The following CAD variants were observed in gnomAD, a reference collection of about 807,000 sequenced individuals.
CAD encodes the protein multifunctional protein CAD.
In CAD, 81 loss-of-function variants were observed where a neutral mutation model predicts 237.2. The ratio of observed to expected loss-of-function variants is 0.34; its 90% CI spans 0.29 to 0.41. CAD has a LOEUF of 0.41. Among genes scored for constraint, CAD ranks in the 10% least tolerant of loss-of-function variants. CAD has a pLI of 1.00. For synonymous variants in CAD, 1,196 were observed against 1,162.8 expected (o/e 1.03, Z -0.58); for missense variants, 2,181 against 2,951.7 (o/e 0.74, Z 6.05).
In CAD at chr2:27,225,701, G is replaced by A. The variant is rs200098600; in HGVS notation, c.1621-4G>A. 12 of 1,609,912 alleles carry A rather than the reference G, an allele frequency of 7.5e-6. No homozygotes were observed. The Admixed American group carries it at 2.0e-4, about 27-fold the overall frequency. ...TGTTTGTTCATCTCTTCCACTCATT[G>A]CAGGCCCAGGCAGCCGCTGAACGGC... On this transcript the variant is annotated splice_polypyrimidine_tract_variant and splice_region_variant and intron_variant, in intron 11 of 43. Coordinates refer to ENST00000264705, the MANE Select transcript of CAD (RefSeq NM_004341.5).
chr2:27,221,456 GA>G (rs1675160358), intron 3 of CAD, 109 bp downstream of exon 3: 1 of 1,071,332 alleles, frequency 9.3e-7, no homozygotes, highest in Non-Finnish European at 1.2e-6. Flanking sequence ...GTGATAGTTG[GA>G]AGGTTTAGAT....
chr2:27,242,750 T>A lies in CAD; in HGVS notation c.6353T>A (p.Phe2118Tyr), dbSNP rs1483709925. The A allele has an allele frequency of 6.2e-7, 1 of 1,614,062 alleles. No homozygotes were observed. The highest frequency in any genetic ancestry group is 8.5e-7 in the Non-Finnish European group (1 of 1,180,050). Residue 2118 changes from phenylalanine to tyrosine, a missense_variant, in exon 41 of 44, where the codon TTC (phenylalanine) becomes TAC (tyrosine). Phe to Tyr is a conservative substitution (Grantham distance 22). Around this residue, in one of 12 missense-constraint regions of CAD, gnomAD observed 170 missense variants for 212.1 expected, o/e 0.80. Coordinates refer to ENST00000264705, the MANE Select transcript of CAD (RefSeq NM_004341.5). This position sits in a 1 kb window ranked among gnomAD's most constrained non-coding sequence, Gnocchi z 6.4. Reference protein sequence around the residue: ...SLRMPPTVRAFVASRGTKQEE... With the variant: ...SLRMPPTVRAYVASRGTKQEE... ...CGCATGCCACCCACTGTGCGGGCCTTCGTGGCCTCCCGCGGCACCAAGCAG... is the reference window on the plus strand; with the variant it reads ...CGCATGCCACCCACTGTGCGGGCCTACGTGGCCTCCCGCGGCACCAAGCAG...
rs757572707 is a variant in CAD, at chr2:27,243,200, C to T, written c.6483C>T (p.Cys2161=). 24 of 1,614,006 alleles carry T rather than the reference C, an allele frequency of 1.5e-5. 1 individual carries two copies. The South Asian group carries it at 2.3e-4, about 16-fold the overall frequency. ...TGGGGACCCCATCTGCTTTGCAGTG[C>T]TTTGGTCAGTTCATCCTCACTCCCC... ...RFGSTQEYEA[C]FGQFILTPHI... Residue 2161 remains cysteine, a splice_region_variant and synonymous_variant, in exon 43 of 44, where the codon TGC becomes TGT. Transcript: ENST00000264705.
chr2:27,224,242 G>A (rs911618638), intron 8 of CAD, 103 bp from the exon 9 acceptor site: 3 of 1,260,366 alleles, frequency 2.4e-6, no homozygotes, highest in Admixed American at 2.0e-5. Context: ...CTCCTGAGGT[G>A]CATAATTTGC....
chr2:27,236,231 C>T lies in CAD; in HGVS notation c.4075-53C>T. 6.3e-7 allele frequency: 1 copy of T among 1,597,336 alleles called. No individual in the cohort carries two copies. The highest frequency in any genetic ancestry group is 1.1e-5 in the South Asian group (1 of 88,898). On this transcript the variant is annotated intron_variant, in intron 25 of 43. Transcript: ENST00000264705. This position sits in a 1 kb window ranked among gnomAD's most constrained non-coding sequence, Gnocchi z 4.1. The stretch of plus-strand genomic sequence containing the variant: ...CCAGCTCCTCTCCCTTAAGGCTAGC[C>T]TTCCTGACCGCTGCCAGACAGCTTG...
chr2:27,222,509 T>A lies in CAD; in HGVS notation c.496-10T>A, dbSNP rs1675222342. The A allele has an allele frequency of 3.1e-6, 5 of 1,612,650 alleles. No individual in the cohort carries two copies. The highest frequency in any genetic ancestry group is 3.4e-6 in the Non-Finnish European group (4 of 1,178,802). Reference sequence around the variant, plus strand: ...TGCCAACTGTTGCCCTTTATTCGTCTATTTCTCAGACTCCACGGGTATTCA... The same window carrying A: ...TGCCAACTGTTGCCCTTTATTCGTCAATTTCTCAGACTCCACGGGTATTCA... On this transcript the variant is annotated splice_polypyrimidine_tract_variant and intron_variant, in intron 4 of 43. Transcript: ENST00000264705.
rs1204184385 is a variant in CAD at position 27,221,313 on chromosome 2, G to A, written c.318G>A (p.Glu106=). The A allele has an allele frequency of 6.3e-7, 1 of 1,584,670 alleles. No homozygotes were observed. The highest frequency in any genetic ancestry group is 1.2e-5 in the South Asian group (1 of 85,926). The change falls in exon 3 of 44, where the codon GAG becomes GAA. Residue 106 remains glutamate (E), a synonymous_variant. Transcript: ENST00000264705. ...SHWSATRTLH[E]WLQQHGIPGL... is the part of the protein sequence containing the mutation. ...GGAGTGCCACCCGCACCCTGCATGA[G>A]TGGCTGCAGCAGCATGGCATCCCTG...
rs536592648 is a variant in CAD, at chr2:27,217,727, C to T, written c.82+94C>T. ...CGTCCAGACCCCGCCATTTTCCCGCCAGCGTACCCCCTTCCCCCATTCGGT... is the reference window on the plus strand; with the variant it reads ...CGTCCAGACCCCGCCATTTTCCCGCTAGCGTACCCCCTTCCCCCATTCGGT... On this transcript the variant is annotated intron_variant, in intron 1 of 43. Coordinates refer to ENST00000264705, the MANE Select transcript of CAD (RefSeq NM_004341.5). The T allele has an allele frequency of 4.1e-5, 59 of 1,428,112 alleles. No homozygotes were observed. The East Asian group carries it at 1.2e-3, about 28-fold the overall frequency. The allele number at this position is 1,428,112 out of a possible 1,614,324, so 88.5% of individuals were successfully genotyped here.
intron 30 of CAD, 108 bp downstream of exon 30, chr2:27,238,295 C>T: frequency 6.8e-7 from 1 of 1,476,810 alleles, no homozygotes. Context: ...CTGGAGACAG[C>T]AGGAGGAGGG....
In CAD at chr2:27,241,043, C is replaced by G; in HGVS notation, c.5639-15C>G. On this transcript the variant is annotated splice_polypyrimidine_tract_variant and intron_variant, in intron 36 of 43. Transcript: ENST00000264705. This position sits in a 1 kb window ranked among gnomAD's most constrained non-coding sequence, Gnocchi z 4.6. ...ACCCTCTGACCAGCCTTTTCTGCCC[C>G]ATCCCTCACTGCAGAGCTGATGGGA... 6.2e-7 allele frequency: 1 copy of G among 1,612,950 alleles called. No homozygotes were observed. The highest frequency in any genetic ancestry group is 1.1e-5 in the South Asian group (1 of 90,988).
Position 27,237,687 on chromosome 2 carries a change from AGTGAGCCTTACCTCT to A in CAD, c.4564-27_4564-13del. The A allele has an allele frequency of 6.3e-7, 1 of 1,597,414 alleles. No homozygotes were observed. Among genetic ancestry groups the A allele is most frequent in the Non-Finnish European group, 8.5e-7 (1 of 1,170,014 alleles). On this transcript the variant is annotated splice_polypyrimidine_tract_variant and intron_variant, in intron 28 of 43. Transcript: ENST00000264705. This position sits in a 1 kb window ranked among gnomAD's most constrained non-coding sequence, Gnocchi z 4.0. The stretch of plus-strand genomic sequence containing the variant: ...GCTAGCCTGTGTGGGCATGGGTGCC[AGTGAGCCTTACCTCT>A]GTGTATCCTCTCCAGCTGGCAGAGG...
Position 27,241,951 on chromosome 2 carries a change from G to A in CAD, c.5924G>A (p.Arg1975Gln), listed in dbSNP as rs769299043. 5.6e-6 allele frequency: 9 copies of A among 1,613,604 alleles called. No homozygotes were observed. The highest frequency in any genetic ancestry group is 2.2e-5 in the East Asian group (1 of 44,896). The change falls in exon 39 of 44, where the codon CGG becomes CAG. Residue 1975 changes from arginine to glutamine, a missense_variant. By Grantham distance (43) the Arg-to-Gln change is conservative. Around this residue, in one of 12 missense-constraint regions of CAD, gnomAD observed 203 missense variants for 284.5 expected, o/e 0.71. Transcript: ENST00000264705. This position sits in a 1 kb window ranked among gnomAD's most constrained non-coding sequence, Gnocchi z 4.6. ...TCCATGTTCTATGAAGTGAGCACAC[G>A]GACCAGCAGCTCCTTTGCAGCAGCC... is the stretch of plus-strand genomic sequence containing the variant. ...MASMFYEVST[R>Q]TSSSFAAAMA... is the part of the protein sequence containing the mutation.
rs1349790987 is a variant in CAD, at chr2:27,226,548, C to T, written c.2055C>T (p.Ala685=). 2 of 1,614,050 alleles carry T rather than the reference C, an allele frequency of 1.2e-6. No homozygotes were observed. The highest frequency in any genetic ancestry group is 3.3e-5 in the Admixed American group (2 of 59,998). The change falls in exon 14 of 44, where the codon GCC becomes GCT. Residue 685 remains alanine, a synonymous_variant. Transcript: ENST00000264705. The stretch of plus-strand genomic sequence containing the variant: ...AGTATTACATCATTGAAGTGAATGC[C>T]AGGCTCTCTCGCAGCTCTGCCCTGG... ...SEQYYIIEVN[A]RLSRSSALAS...
Position 27,236,967 on chromosome 2 carries a change from C to T in CAD, c.4396+137C>T, listed in dbSNP as rs75138755. The T allele has an allele frequency of 0.048, 35,462 of 732,160 alleles. 1,015 individuals are homozygous for T. Among genetic ancestry groups the T allele is most frequent in the African/African-American group, 0.082 (4,665 of 57,200 alleles). The allele number at this position is 732,160 out of a possible 1,614,324, so 45.4% of individuals were successfully genotyped here. A position where few individuals can be genotyped will look rare whatever the true frequency, so the allele number is the denominator to read the frequency against. ...ACTGTGAAGACCCCAGAATGTTTCT[C>T]ACTCTTTCATTCCTTAATCCACAGT... On this transcript the variant is annotated intron_variant, in intron 27 of 43. Transcript: ENST00000264705. The surrounding 1 kb of genome is among the most constrained non-coding windows in gnomAD (Gnocchi z 4.1).
At chr2:27,226,455 TTC>T in intron 13 of CAD, 68 bp from the exon 14 acceptor site, 1 of 1,582,468 alleles carries the variant, frequency 6.3e-7, no homozygotes, top group Non-Finnish European at 8.6e-7. Flanking sequence ...TAGGTTACTT[TTC>T]TCTCCTTTCT....
chr2:27,226,732 G>A (rs1675459241), intron 14 of CAD, 83 bp downstream of exon 14: 2 of 1,603,060 alleles, frequency 1.2e-6, no homozygotes, highest in Admixed American at 3.4e-5. Context: ...ATATGAAAAG[G>A]ACATTGGCCT....
chr2:27,239,470 AG>A lies in CAD; in HGVS notation c.5394+1del. On this transcript the variant is annotated frameshift_variant and splice_region_variant, in exon 33 of 44. Transcript: ENST00000264705. LOFTEE classifies it high-confidence loss of function. The surrounding 1 kb of genome is among the most constrained non-coding windows in gnomAD (Gnocchi z 4.0). ...LRGEVAYIDGQVLVPPGYGQD... is the reference protein window; with the variant it reads ...LRGEVAYIDGXVLVPPGYGQD... ...GGGGAGGTTGCCTATATCGATGGGC[AG>A]GTACGCAAGTAGCCCCTGCCTGATC... 1 of 1,613,374 alleles carries A rather than the reference AG, an allele frequency of 6.2e-7. No homozygotes were observed. The highest frequency in any genetic ancestry group is 8.5e-7 in the Non-Finnish European group (1 of 1,179,754).
chr2:27,238,529 G>C lies in CAD; in HGVS notation c.4959G>C (p.Leu1653=), dbSNP rs1434108718. The change falls in exon 31 of 44, where the codon CTG becomes CTC. Residue 1653 remains leucine (L), a synonymous_variant. Coordinates refer to ENST00000264705, the MANE Select transcript of CAD (RefSeq NM_004341.5). ...LFLSHDDLER[L]GPGKGEVRPE... is the part of the protein sequence containing the mutation. ...TAAGCCATGATGACCTGGAGCGCCTGGGGCCTGGGAAGGGGGAGGTCCGGC... is the reference window on the plus strand; with the variant it reads ...TAAGCCATGATGACCTGGAGCGCCTCGGGCCTGGGAAGGGGGAGGTCCGGC... 2 of 1,613,890 alleles carry C rather than the reference G, an allele frequency of 1.2e-6. No individual in the cohort carries two copies. The highest frequency in any genetic ancestry group is 1.7e-6 in the Non-Finnish European group (2 of 1,179,942).
At chr2:27,221,684 TAAC>T (rs1278056788) in intron 3 of CAD, among the ~76,000 whole-genome samples, 2 of 150,364 alleles carry the variant, frequency 1.3e-5, no homozygotes, top group Non-Finnish European at 3.0e-5. Context: ...ATGATCATAA[TAAC>T]GTCATACACT....
Sources: gnomAD v4.1 joint callset for allele counts (sites outside exome capture counted in the v4.1 genomes callset) on GRCh38, gnomAD v4.1.1 for gene constraint, gnomAD v4.1.1 regional missense constraint, Gnocchi (gnomAD v3.1) non-coding constraint, MANE v1.5 for transcripts, NCBI Gene and HGNC (gene_info 2026-07-23, HGNC 2026-07-21) for gene names.